The following UPF2 variants were observed in gnomAD, a reference collection of about 807,000 sequenced individuals.
UPF2 encodes the protein regulator of nonsense transcripts 2.
A neutral mutation model predicts 141.4 loss-of-function variants in UPF2; 17 were observed. That is an observed-to-expected ratio of 0.12 (90% CI 0.08 to 0.18). The LOEUF is 0.18. Ranked by LOEUF, UPF2 falls within the 10% of genes least tolerant of loss-of-function variation. The pLI, the probability that UPF2 is intolerant of heterozygous loss-of-function variation, is 1.00. For synonymous variants in UPF2, 540 were observed against 498.0 expected, an observed-to-expected ratio of 1.08 and a Z score of -1.12; for missense variants, 1,152 against 1,515.9, an observed-to-expected ratio of 0.76 and a Z score of 3.99.
intron 9 of UPF2, among the ~76,000 whole-genome samples, chr10:11,975,028 A>C (rs572185096): frequency 1.3e-5 from 2 of 152,326 alleles, no homozygotes; most frequent in East Asian, 3.9e-4. Context: ...ACAAATAAAG[A>C]AACTTAATCA....
In UPF2 at chr10:11,979,320, T is replaced by C. The variant is rs1833555901; in HGVS notation, c.1845-155A>G. Among the ~76,000 whole-genome samples the C allele has an allele frequency of 6.6e-6, 1 of 152,258 alleles. No homozygotes were observed. Among genetic ancestry groups the C allele is most frequent in the Admixed American group, 6.5e-5 (1 of 15,284 alleles). ...ATTTATTGCCATCATAAAGAAGTGT[T>C]TGAAAATTCAATGAGCCTTCTACAA... On this transcript the variant is annotated intron_variant, in intron 8 of 21. Transcript: ENST00000357604. The surrounding 1 kb of genome is among the most constrained non-coding windows in gnomAD (Gnocchi z 6.2).
chr10:11,923,654 T>C (rs1245985784), intron 21 of UPF2, among the ~76,000 whole-genome samples: 1 of 133,392 alleles, frequency 7.5e-6, no homozygotes, highest in African/African-American at 2.9e-5. Flanking sequence ...CACTCCGATA[T>C]AGCGAGACCC....
chr10:12,035,311 T>C lies in UPF2; in HGVS notation c.113A>G (p.Lys38Arg). The change falls in exon 2 of 22, where the codon AAA becomes AGA. Residue 38 changes from lysine (K) to arginine (R), a missense_variant. Around this residue, in one of 4 missense-constraint regions of UPF2, gnomAD observed 145 missense variants for 136.5 expected, o/e 1.06. Transcript: ENST00000357604. ...RRTVSSKERP[K>R]DDIKLTAKKE... ...CTTGGCAGTGAGCTTGATATCGTCTTTTGGCCTCTCCTTGCTGCTCACTGT... is the reference window on the plus strand; with the variant it reads ...CTTGGCAGTGAGCTTGATATCGTCTCTTGGCCTCTCCTTGCTGCTCACTGT... 6.2e-7 allele frequency: 1 copy of C among 1,614,148 alleles called. No homozygotes were observed. Among genetic ancestry groups the C allele is most frequent in the Non-Finnish European group, 8.5e-7 (1 of 1,180,040 alleles).
intron 21 of UPF2, among the ~76,000 whole-genome samples, chr10:11,927,322 T>C (rs1399283874): frequency 6.6e-6 from 1 of 152,208 alleles, no homozygotes; most frequent in Non-Finnish European, 1.5e-5. Context: ...GGCTGCAATA[T>C]GAACAGGTGA....
rs961574835 is a variant in UPF2, at chr10:11,980,462, G to A, written c.1845-1297C>T. 3.3e-5 allele frequency among the ~76,000 whole-genome samples: 5 copies of A among 152,106 alleles called. No individual in the cohort carries two copies. The highest frequency in any genetic ancestry group is 1.3e-4 in the Admixed American group (2 of 15,264). ...TACGAGTCTTAATTATCGCTGAGTG[G>A]AGGCCGGGCACGGTGGCTCACATCT... On this transcript the variant is annotated intron_variant, in intron 8 of 21. Coordinates refer to ENST00000357604, the MANE Select transcript of UPF2 (RefSeq NM_015542.4). The surrounding 1 kb of genome is among the most constrained non-coding windows in gnomAD (Gnocchi z 4.2).
intron 10 of UPF2, among the ~76,000 whole-genome samples, chr10:11,965,904 T>C (rs1279099922): frequency 6.6e-6 from 1 of 152,166 alleles, no homozygotes; most frequent in Non-Finnish European, 1.5e-5. Flanking sequence ...GGAAATCAAG[T>C]TGATGAAAAA....
chr10:11,993,146 C>A (rs1833807923), intron 8 of UPF2, among the ~76,000 whole-genome samples: 1 of 82,504 alleles, frequency 1.2e-5, no homozygotes, highest in South Asian at 4.6e-4. Context: ...TGAGGCTCCA[C>A]CTCAAAAAAA....
At position 12,029,459 on chromosome 10, in the gene UPF2, A is replaced by T; in HGVS notation, c.431T>A (p.Leu144His). The change falls in exon 3 of 22, where the codon CTT (leucine) becomes CAT (histidine). Residue 144 changes from leucine (L) to histidine (H), a missense_variant. Transcript: ENST00000357604. The part of the protein sequence containing the change: ...AWERHHLRKE[L>H]RSKNQNAPDS... ...CGGAGCATTTTGGTTTTTGCTACGAAGTTCCTTTCTTAAATGATGTCGTTC... is the reference window on the plus strand; with the variant it reads ...CGGAGCATTTTGGTTTTTGCTACGATGTTCCTTTCTTAAATGATGTCGTTC... 6.2e-7 allele frequency: 1 copy of T among 1,612,576 alleles called. No individual in the cohort carries two copies. The highest frequency in any genetic ancestry group is 8.5e-7 in the Non-Finnish European group (1 of 1,179,732).
At chr10:12,025,959 A>C (rs1401429776) in intron 3 of UPF2, among the ~76,000 whole-genome samples, 1 of 152,090 alleles carries the variant, frequency 6.6e-6, no homozygotes, top group African/African-American at 2.4e-5. Context: ...ACACCCAGCT[A>C]ATTTTTATAT....
rs1832838640 is a variant in UPF2, at chr10:11,935,543, C to G, written c.3546+1002G>C. Among the ~76,000 whole-genome samples, 1 of 152,142 alleles carries G rather than the reference C, an allele frequency of 6.6e-6. No individual in the cohort carries two copies. On this transcript the variant is annotated intron_variant, in intron 19 of 21. Coordinates refer to ENST00000357604, the MANE Select transcript of UPF2 (RefSeq NM_015542.4). This position sits in a 1 kb window ranked among gnomAD's most constrained non-coding sequence, Gnocchi z 4.9. ...CAGTTAACACAGGATTTCATGGACT[C>G]TAAGAAGCAACTTGATCTCAGAAAT...
intron 4 of UPF2, among the ~76,000 whole-genome samples, chr10:12,006,617 AC>A (rs1834039803): frequency 1.3e-5 from 2 of 152,340 alleles, no homozygotes; most frequent in South Asian, 4.1e-4. Flanking sequence ...TGACATATTT[AC>A]AACTTCTGTT....
At chr10:11,925,936 G>T (rs1007790274) in intron 21 of UPF2, among the ~76,000 whole-genome samples, 1 of 152,172 alleles carries the variant, frequency 6.6e-6, no homozygotes, top group Non-Finnish European at 1.5e-5. Flanking sequence ...AAGCAGAAGG[G>T]CACACACAGA....
chr10:11,941,863 ACTG>A (rs946921832), intron 18 of UPF2, among the ~76,000 whole-genome samples: 3 of 152,244 alleles, frequency 2.0e-5, no homozygotes, highest in African/African-American at 7.2e-5. Context: ...CATTCAAAAA[ACTG>A]CTAAGTAGTG....
intron 8 of UPF2, among the ~76,000 whole-genome samples, chr10:11,993,299 A>G (rs1833812037): frequency 6.6e-6 from 1 of 152,190 alleles, no homozygotes; most frequent in Non-Finnish European, 1.5e-5. Context: ...TTTTATCTAT[A>G]CAACAAATAA....
chr10:11,999,262 C>T lies in UPF2; in HGVS notation c.1758+644G>A, dbSNP rs543657660. ...GGTATGGTGGCTCATGCCTGTAATC[C>T]GAGCACTTCGGGAGGCCAAGGCAGG... On this transcript the variant is annotated intron_variant, in intron 7 of 21. Coordinates refer to ENST00000357604, the MANE Select transcript of UPF2 (RefSeq NM_015542.4). Among the ~76,000 whole-genome samples, 408 of 151,898 alleles carry T rather than the reference C, an allele frequency of 2.7e-3. 1 individual carries two copies. Among genetic ancestry groups the T allele is most frequent in the Non-Finnish European group, 4.7e-3 (321 of 67,928 alleles).
At position 11,940,518 on chromosome 10, in the gene UPF2, G is replaced by A. The variant is rs1256914084; in HGVS notation, c.3378+2147C>T. 2.6e-5 allele frequency among the ~76,000 whole-genome samples: 4 copies of A among 151,970 alleles called. No individual in the cohort carries two copies. The highest frequency in any genetic ancestry group is 2.9e-5 in the Non-Finnish European group (2 of 68,002). Reference sequence around the variant, plus strand: ...CCTCAAAGGCTTCTCAAGTGGACACGGCCAAAGGGAAACTTTTGCTCATTG... The same window carrying A: ...CCTCAAAGGCTTCTCAAGTGGACACAGCCAAAGGGAAACTTTTGCTCATTG... On this transcript the variant is annotated intron_variant, in intron 18 of 21. Transcript: ENST00000357604. This position sits in a 1 kb window ranked among gnomAD's most constrained non-coding sequence, Gnocchi z 4.2.
chr10:11,970,933 A>G (rs1833406545), intron 9 of UPF2, among the ~76,000 whole-genome samples: 1 of 152,114 alleles, frequency 6.6e-6, no homozygotes. Flanking sequence ...CGTTGGATGC[A>G]TATCCTCTTC....
intron 3 of UPF2, among the ~76,000 whole-genome samples, chr10:12,021,867 T>C (rs1352617769): frequency 6.6e-6 from 1 of 152,152 alleles, no homozygotes; most frequent in Non-Finnish European, 1.5e-5. Flanking sequence ...TTTTCTTGGC[T>C]GGATGCAGTG....
rs1291439170 is a variant in UPF2 at position 12,028,971 on chromosome 10, C to T, written c.919G>A (p.Val307Ile). 1 of 1,614,184 alleles carries T rather than the reference C, an allele frequency of 6.2e-7. No individual in the cohort carries two copies. The highest frequency in any genetic ancestry group is 1.1e-5 in the South Asian group (1 of 91,082). ...ADRESHTHVS[V>I]VISFCRHCGD... ...CAATGTCGACAGAAACTAATCACTA[C>T]AGAGACATGAGTGTGGGACTCCCGA... Residue 307 changes from valine (V) to isoleucine (I), a missense_variant, in exon 3 of 22, where the codon GTA becomes ATA. Around this residue, in one of 4 missense-constraint regions of UPF2, gnomAD observed 739 missense variants for 1,032.2 expected, o/e 0.72. Transcript: ENST00000357604.
Sources: gnomAD v4.1 joint callset for allele counts (sites outside exome capture counted in the v4.1 genomes callset) on GRCh38, gnomAD v4.1.1 for gene constraint, gnomAD v4.1.1 regional missense constraint, Gnocchi (gnomAD v3.1) non-coding constraint, MANE v1.5 for transcripts, NCBI Gene and HGNC (gene_info 2026-07-23, HGNC 2026-07-21) for gene names.